The following DIP2C variants were observed in gnomAD, a reference collection of about 807,000 sequenced individuals.
DIP2C encodes the protein disco-interacting protein 2 homolog C.
Under a neutral mutation model 192.4 loss-of-function variants are expected in DIP2C, and 33 were observed. The ratio of observed to expected loss-of-function variants is 0.17; its 90% confidence interval spans 0.13 to 0.23. DIP2C has a LOEUF of 0.23. Among genes scored for constraint, DIP2C ranks in the 10% least tolerant of loss-of-function variants. The pLI is 1.00. For synonymous variants in DIP2C, 979 were observed against 864.1 expected (o/e 1.13, Z -2.33); for missense variants, 1,537 against 2,110.1 (o/e 0.73, Z 5.32).
chr10:285,324 A>G (rs1265009378), intron 34 of DIP2C, among the ~76,000 whole-genome samples: 2 of 152,164 alleles, frequency 1.3e-5, no homozygotes, highest in Admixed American at 6.5e-5. Flanking sequence ...GGTGCTGTTT[A>G]TAAGATGCCA....
chr10:357,152 G>C (rs1459331287), intron 23 of DIP2C, among the ~76,000 whole-genome samples: 4 of 152,166 alleles, frequency 2.6e-5, no homozygotes, highest in African/African-American at 7.2e-5. Context: ...TTTCCTAATG[G>C]GCCACACACA....
intron 32 of DIP2C, among the ~76,000 whole-genome samples, chr10:288,869 A>G (rs1353437897): frequency 6.6e-6 from 1 of 152,230 alleles, no homozygotes; most frequent in African/African-American, 2.4e-5. Flanking sequence ...CGTGCATCGC[A>G]GCCACAGGAG....
chr10:486,514 T>C lies in DIP2C; in HGVS notation c.102A>G (p.Lys34=), dbSNP rs1291549651. The C allele has an allele frequency of 1.1e-5, 18 of 1,605,220 alleles. No homozygotes were observed. The Admixed American group carries it at 2.0e-4, about 18-fold the overall frequency. ...LELSEGDITQ[K]GYEKKRSKLI... Reference sequence around the variant, plus strand: ...ACTTTGACCTCTTCTTTTCATATCCTTTTTGTGTGATGTCACCTGCAAGAG... The same window carrying C: ...ACTTTGACCTCTTCTTTTCATATCCCTTTTGTGTGATGTCACCTGCAAGAG... The change falls in exon 2 of 37, where the codon AAA becomes AAG. Residue 34 remains lysine (K), a synonymous_variant. Coordinates refer to ENST00000280886, the MANE Select transcript of DIP2C (RefSeq NM_014974.3).
intron 1 of DIP2C, among the ~76,000 whole-genome samples, chr10:601,959 A>C (rs1270490228): frequency 5.3e-5 from 8 of 152,108 alleles, no homozygotes; most frequent in African/African-American, 1.7e-4. Flanking sequence ...AGTTTAGCTA[A>C]TCACTTATGA....
chr10:287,966 GAACCTTC>G (rs1182185195), intron 33 of DIP2C, among the ~76,000 whole-genome samples: 1 of 152,134 alleles, frequency 6.6e-6, no homozygotes, highest in Non-Finnish European at 1.5e-5. Flanking sequence ...GACAGCTTGG[GAACCTTC>G]TCTATGGTCT....
intron 1 of DIP2C, among the ~76,000 whole-genome samples, chr10:620,617 T>C (rs1853795800): frequency 6.6e-6 from 1 of 152,114 alleles, no homozygotes; most frequent in Non-Finnish European, 1.5e-5. Flanking sequence ...CTAAACTACC[T>C]TTAGTTTGAA....
chr10:341,852 G>A, intron 28 of DIP2C, among the ~76,000 whole-genome samples: 1 of 152,136 alleles, frequency 6.6e-6, no homozygotes, highest in East Asian at 1.9e-4. Flanking sequence ...ACTCCAGCCT[G>A]GACAACGGAG....
At chr10:381,259 T>G (rs74507125) in intron 17 of DIP2C, among the ~76,000 whole-genome samples, 1 of 152,154 alleles carries the variant, frequency 6.6e-6, no homozygotes, top group African/African-American at 2.4e-5. Flanking sequence ...ATATGCATCA[T>G]ATGCATGATA....
intron 4 of DIP2C, among the ~76,000 whole-genome samples, chr10:438,321 A>G (rs1281410521): frequency 2.0e-5 from 3 of 152,180 alleles, no homozygotes; most frequent in African/African-American, 2.4e-5. Flanking sequence ...GGTCAAGAAA[A>G]ATGTGTGTTG....
chr10:385,681 CA>C (rs1962833051), intron 14 of DIP2C, among the ~76,000 whole-genome samples: 1 of 152,176 alleles, frequency 6.6e-6, no homozygotes, highest in South Asian at 2.1e-4. Flanking sequence ...GGCTGGGACT[CA>C]CACCTACAGG....
At chr10:580,242 C>T (rs937528913) in intron 1 of DIP2C, among the ~76,000 whole-genome samples, 2 of 151,906 alleles carry the variant, frequency 1.3e-5, no homozygotes, top group African/African-American at 2.4e-5. Flanking sequence ...CTAACATATA[C>T]ATGTGTAAAG....
In DIP2C at chr10:440,927, G is replaced by A. The variant is rs1967674555; in HGVS notation, c.338C>T (p.Pro113Leu). 1 of 1,613,898 alleles carries A rather than the reference G, an allele frequency of 6.2e-7. No homozygotes were observed. The highest frequency in any genetic ancestry group is 8.5e-7 in the Non-Finnish European group (1 of 1,180,048). ...CACGACCAGGGACCTGCGTTTGGAA[G>A]GCATAGGCACTGCCATCTTCCGCTC... ...HKERKMAVPM[P>L]SKRRSLVVQT... The change falls in exon 4 of 37, where the codon CCT becomes CTT. Residue 113 changes from proline (P) to leucine (L), a missense_variant. By Grantham distance (98) the Pro-to-Leu change is moderately conservative. Coordinates refer to ENST00000280886, the MANE Select transcript of DIP2C (RefSeq NM_014974.3).
chr10:423,145 T>C (rs1035834544), intron 4 of DIP2C, 112 bp from the exon 5 acceptor site: 1 of 1,022,276 alleles, frequency 9.8e-7, no homozygotes. Context: ...AGTTGTTCAA[T>C]GACTTTTTGA....
intron 17 of DIP2C, chr10:370,104 C>G (rs560007329): frequency 2.1e-6 from 2 of 944,670 alleles, no homozygotes; most frequent in South Asian, 9.8e-5. Flanking sequence ...TGTCCAGCCT[C>G]AATTCAGATG....
At chr10:326,206 A>C (rs1209993516) in intron 31 of DIP2C, among the ~76,000 whole-genome samples, 1 of 152,116 alleles carries the variant, frequency 6.6e-6, no homozygotes, top group Admixed American at 6.5e-5. Context: ...AGTAAAAGAA[A>C]AATCAAGAAA....
intron 29 of DIP2C, among the ~76,000 whole-genome samples, chr10:333,152 C>G (rs141690417): frequency 0.018 from 2,729 of 152,312 alleles, 80 homozygotes; most frequent in African/African-American, 0.062. Flanking sequence ...ATCCACCCAC[C>G]TCAGCCTCCC....
chr10:488,093 C>T (rs1186021552), intron 1 of DIP2C, among the ~76,000 whole-genome samples: 2 of 152,234 alleles, frequency 1.3e-5, no homozygotes, highest in Non-Finnish European at 2.9e-5. Context: ...ATCGAGCCCC[C>T]AGTCAATCAG....
intron 13 of DIP2C, among the ~76,000 whole-genome samples, chr10:388,642 T>C (rs1192535022): frequency 6.6e-6 from 1 of 152,120 alleles, no homozygotes; most frequent in Non-Finnish European, 1.5e-5. Flanking sequence ...GGGCAGTGCG[T>C]CCCCAGGTGT....
At chr10:307,366 G>A (rs4881041) in intron 32 of DIP2C, among the ~76,000 whole-genome samples, 71,193 of 152,142 alleles carry the variant, frequency 0.47, 19,839 homozygotes, top group Non-Finnish European at 0.64. Flanking sequence ...ATTACATGCT[G>A]GTAAAGGTTG....
Sources: allele counts gnomAD v4.1 joint callset (sites outside exome capture counted in the v4.1 genomes callset), GRCh38; gene constraint gnomAD v4.1.1; transcripts MANE v1.5; gene names NCBI Gene and HGNC (gene_info 2026-07-23, HGNC 2026-07-21).